Variants in OXSR1 observed in about 807,000 individuals in gnomAD.
OXSR1 encodes the protein oxidative stress responsive kinase 1, also known as serine/threonine-protein kinase OSR1.
A neutral mutation model predicts 79.8 loss-of-function variants in OXSR1; 24 were observed. The ratio of observed to expected loss-of-function variants is 0.30; its 90% confidence interval spans 0.22 to 0.42. OXSR1 has a LOEUF of 0.42. OXSR1 is among the 10% of genes least tolerant of loss of function. The pLI, the probability that OXSR1 is intolerant of heterozygous loss-of-function variation, is 1.00. For synonymous variants in OXSR1, 226 were observed against 209.2 expected, an observed-to-expected ratio of 1.08 and a Z score of -0.69; for missense variants, 430 against 618.4, an observed-to-expected ratio of 0.70 and a Z score of 3.23.
chr3:38,216,076 CTTTT>C lies in OXSR1; in HGVS notation c.435-8_435-5del. On this transcript the variant is annotated splice_polypyrimidine_tract_variant and intron_variant, in intron 4 of 17. Transcript: ENST00000311806. ...AGAATAGATGTTTTTTGATACATAA[CTTTT>C]TTTTTTTTTTTAAAGAGATGTGAAA... 8.7e-6 allele frequency: 11 copies of C among 1,269,172 alleles called. No homozygotes were observed. The highest frequency in any genetic ancestry group is 1.2e-5 in the Non-Finnish European group (11 of 912,194). 78.6% of individuals were successfully genotyped at this position (1,269,172 alleles called of 1,614,324 possible). A position where few individuals can be genotyped will look rare whatever the true frequency, so the allele number is the denominator to read the frequency against.
intron 14 of OXSR1, among the ~76,000 whole-genome samples, chr3:38,248,262 A>G (rs947354833): frequency 6.6e-6 from 1 of 152,016 alleles, no homozygotes. Flanking sequence ...TGGTGGGAAC[A>G]TATAGAGAGG....
intron 4 of OXSR1, among the ~76,000 whole-genome samples, chr3:38,210,971 T>C (rs745689670): frequency 4.6e-5 from 7 of 152,216 alleles, no homozygotes; most frequent in Non-Finnish European, 1.0e-4. Flanking sequence ...TGCACTATTA[T>C]TACATCTTTG....
intron 8 of OXSR1, 143 bp downstream of exon 8, chr3:38,224,847 G>A (rs1702659322): frequency 1.8e-6 from 1 of 561,342 alleles, no homozygotes; most frequent in Admixed American, 4.1e-5. Context: ...CATTATACTG[G>A]ATTGGAAATG....
chr3:38,193,442 G>C, intron 3 of OXSR1: 1 of 1,237,144 alleles, frequency 8.1e-7, no homozygotes, highest in Non-Finnish European at 1.1e-6. Flanking sequence ...TTTCGTTATT[G>C]ATCACCTATA....
At chr3:38,184,391 G>A (rs907404836) in intron 2 of OXSR1, among the ~76,000 whole-genome samples, 1 of 152,164 alleles carries the variant, frequency 6.6e-6, no homozygotes, top group Non-Finnish European at 1.5e-5. Context: ...CTTATTTTAA[G>A]ATCTTGGATT....
intron 10 of OXSR1, among the ~76,000 whole-genome samples, chr3:38,233,491 G>A (rs1702853997): frequency 6.6e-6 from 1 of 151,900 alleles, no homozygotes. Context: ...TAGGATCACA[G>A]GATACCTCAG....
At chr3:38,237,485 C>T (rs980221982) in intron 11 of OXSR1, among the ~76,000 whole-genome samples, 11 of 152,156 alleles carry the variant, frequency 7.2e-5, no homozygotes, top group African/African-American at 2.7e-4. Flanking sequence ...CTCATTCATT[C>T]CTAAGACTGG....
intron 8 of OXSR1, among the ~76,000 whole-genome samples, chr3:38,227,067 A>C (rs1476707767): frequency 6.6e-6 from 1 of 152,204 alleles, no homozygotes; most frequent in African/African-American, 2.4e-5. Flanking sequence ...CTTTAAGAAA[A>C]CTGGAAGCTA....
At chr3:38,237,181 AG>A (rs1702936544) in intron 11 of OXSR1, among the ~76,000 whole-genome samples, 1 of 152,212 alleles carries the variant, frequency 6.6e-6, no homozygotes, top group East Asian at 1.9e-4. Context: ...TACCAAATCT[AG>A]AGACGAAAGC....
At chr3:38,237,621 A>C (rs1399493766) in intron 11 of OXSR1, among the ~76,000 whole-genome samples, 1 of 152,152 alleles carries the variant, frequency 6.6e-6, no homozygotes, top group Non-Finnish European at 1.5e-5. Flanking sequence ...TGCTTTGGTG[A>C]AAGCACTTAA....
In OXSR1 at chr3:38,246,199, C is replaced by T; in HGVS notation, c.1235C>T (p.Ala412Val). 1.2e-6 allele frequency: 2 copies of T among 1,613,766 alleles called. No homozygotes were observed. The highest frequency in any genetic ancestry group is 1.1e-5 in the South Asian group (1 of 91,080). Reference sequence around the variant, plus strand: ...ACTCAAGTCTCTCTCCCACCCACCGCAGAGCCAGCAAAAACAGCTCAGGTA... The same window carrying T: ...ACTCAAGTCTCTCTCCCACCCACCGTAGAGCCAGCAAAAACAGCTCAGGTA... ...QPTQVSLPPT[A>V]EPAKTAQALS... is the part of the protein sequence containing the mutation. Residue 412 changes from alanine (A) to valine (V), a missense_variant, in exon 13 of 18, where the codon GCA becomes GTA. Ala to Val is a moderately conservative substitution (Grantham distance 64, BLOSUM62 0). Transcript: ENST00000311806.
At chr3:38,173,657 T>G (rs777635591) in intron 1 of OXSR1, among the ~76,000 whole-genome samples, 17 of 152,268 alleles carry the variant, frequency 1.1e-4, no homozygotes, top group Admixed American at 9.2e-4. Flanking sequence ...CCATGAAGAC[T>G]GGGCTATTTC....
rs1397657754 is a variant in OXSR1 at position 38,165,695 on chromosome 3, CCCCCGCTGCTCTGCCGCGCGGTGA to C, written c.-175_-152del. On this transcript the variant is annotated 5_prime_UTR_variant, in exon 1 of 18. Transcript: ENST00000311806. ...AGGCGAGGTCCGCCGGAGCTCTGAGCCCCCGCTGCTCTGCCGCGCGGTGACCCCGCGCCCCGGCGCCGTCCGACC... is the reference window on the plus strand; with the variant it reads ...AGGCGAGGTCCGCCGGAGCTCTGAGCCCCCGCGCCCCGGCGCCGTCCGACC... 3.3e-5 allele frequency: 18 copies of C among 553,780 alleles called. 1 individual carries two copies. The highest frequency in any genetic ancestry group is 6.7e-5 in the South Asian group (3 of 44,912). 34.3% of individuals were successfully genotyped at this position (553,780 alleles called of 1,614,324 possible).
chr3:38,216,319 A>G (rs34230790), intron 5 of OXSR1, among the ~76,000 whole-genome samples, 168 bp downstream of exon 5: 18 of 152,134 alleles, frequency 1.2e-4, no homozygotes, highest in Non-Finnish European at 2.4e-4. Context: ...ATATCTTCTC[A>G]TACTCATCCT....
chr3:38,216,193 A>T, intron 5 of OXSR1, 42 bp downstream of exon 5: 1 of 1,169,718 alleles, frequency 8.5e-7, no homozygotes, highest in Non-Finnish European at 1.3e-6. Flanking sequence ...AATGGTCAGT[A>T]GAACCACATT....
chr3:38,182,642 T>C (rs953244577), intron 1 of OXSR1, among the ~76,000 whole-genome samples: 1 of 152,240 alleles, frequency 6.6e-6, no homozygotes, highest in Non-Finnish European at 1.5e-5. Flanking sequence ...GATCCCTAAC[T>C]AGTCTACCTC....
intron 3 of OXSR1, chr3:38,193,196 A>G (rs1202627034): frequency 9.5e-7 from 1 of 1,048,260 alleles, no homozygotes; most frequent in Non-Finnish European, 1.3e-6. Context: ...GTGCACAAGA[A>G]ATTTTAGTCA....
At chr3:38,214,171 CT>C (rs749047070) in intron 4 of OXSR1, among the ~76,000 whole-genome samples, 295 of 139,060 alleles carry the variant, frequency 2.1e-3, no homozygotes, top group Middle Eastern at 0.011. Flanking sequence ...TTATACACTA[CT>C]TTTTTTTTTT....
At chr3:38,183,326 G>A (rs558553108) in intron 2 of OXSR1, among the ~76,000 whole-genome samples, 116 of 152,250 alleles carry the variant, frequency 7.6e-4, no homozygotes, top group African/African-American at 2.2e-3. Flanking sequence ...CATTTAATAT[G>A]TAACCTTTCA....
Sources: allele counts gnomAD v4.1 joint callset (sites outside exome capture counted in the v4.1 genomes callset), GRCh38; gene constraint gnomAD v4.1.1; transcripts MANE v1.5; gene names NCBI Gene and HGNC (gene_info 2026-07-23, HGNC 2026-07-21).